Variants in HDAC9 observed in about 807,000 individuals in gnomAD.
HDAC9 encodes the protein MEF-2 interacting transcription repressor (MITR) protein.
HDAC9 carries 41 observed loss-of-function variants against 139.4 expected under a neutral mutation model. That is an observed-to-expected ratio of 0.29 (90% CI 0.23 to 0.38). The LOEUF (loss-of-function observed/expected upper bound fraction) is 0.38. Ranked by LOEUF, HDAC9 falls within the 10% of genes least tolerant of loss-of-function variation. The probability of loss-of-function intolerance (pLI) is 1.00; values close to 1 mark genes in which losing one functional copy is unlikely to be tolerated. For synonymous variants in HDAC9, 517 were observed against 476.2 expected (o/e 1.09, Z -1.12); for missense variants, 1,147 against 1,297.0 (o/e 0.88, Z 1.78).
chr7:18,666,114 A>T, intron 11 of HDAC9, 99 bp from the exon 12 acceptor site: 1 of 1,251,926 alleles, frequency 8.0e-7, no homozygotes, highest in Middle Eastern at 2.0e-4. Context: ...CAATGATTAG[A>T]AATCACAGTG....
intron 6 of HDAC9, among the ~76,000 whole-genome samples, chr7:18,613,288 C>T (rs1009420936): frequency 3.3e-5 from 5 of 151,706 alleles, no homozygotes; most frequent in Non-Finnish European, 7.4e-5. Context: ...AGAAATAGGT[C>T]GTTTTCACAG....
chr7:18,914,556 G>C (rs956144356), intron 22 of HDAC9, among the ~76,000 whole-genome samples: 2 of 151,992 alleles, frequency 1.3e-5, no homozygotes, highest in African/African-American at 4.8e-5. Context: ...TTTTTAAGTT[G>C]TAAGTTTATA....
At chr7:18,500,535 T>A (rs1337477834) in intron 2 of HDAC9, among the ~76,000 whole-genome samples, 2 of 152,170 alleles carry the variant, frequency 1.3e-5, no homozygotes, top group African/African-American at 4.8e-5. Context: ...TACTGGCAAG[T>A]TGACCAGTTC....
At chr7:18,270,749 C>G (rs1469574) in intron 2 of HDAC9, among the ~76,000 whole-genome samples, 118,515 of 152,016 alleles carry the variant, frequency 0.78, 46,296 homozygotes, top group South Asian at 0.89. Flanking sequence ...CACCTTCTGA[C>G]TAATTATTGA....
At chr7:18,953,095 T>G (rs1782913580) in intron 23 of HDAC9, among the ~76,000 whole-genome samples, 1 of 151,996 alleles carries the variant, frequency 6.6e-6, no homozygotes, top group Non-Finnish European at 1.5e-5. Context: ...ATCCCTGTGT[T>G]TTTTTAGGTT....
At chr7:18,983,480 T>C (rs1563105628) in intron 25 of HDAC9, among the ~76,000 whole-genome samples, 1 of 152,190 alleles carries the variant, frequency 6.6e-6, no homozygotes, top group Non-Finnish European at 1.5e-5. Flanking sequence ...AGAAGTGATA[T>C]TTCTGGATCA....
chr7:18,960,041 C>G (rs1293864378), intron 24 of HDAC9, among the ~76,000 whole-genome samples: 2 of 148,592 alleles, frequency 1.3e-5, no homozygotes, highest in Non-Finnish European at 3.0e-5. Context: ...CACACACACA[C>G]AGAGTATTAT....
intron 21 of HDAC9, among the ~76,000 whole-genome samples, chr7:18,852,757 C>T (rs897483187): frequency 6.6e-6 from 1 of 151,856 alleles, no homozygotes; most frequent in Non-Finnish European, 1.5e-5. Context: ...AGAGAAACTG[C>T]ACTGACAGGG....
intron 1 of HDAC9, among the ~76,000 whole-genome samples, chr7:18,300,191 A>ATT (rs200511894): frequency 3.5e-5 from 5 of 142,840 alleles, no homozygotes; most frequent in South Asian, 2.3e-4. Flanking sequence ...TTTTTTGCAA[A>ATT]TTTTTTTTTT....
At chr7:18,863,081 C>T (rs1001332195) in intron 21 of HDAC9, among the ~76,000 whole-genome samples, 3 of 152,148 alleles carry the variant, frequency 2.0e-5, no homozygotes, top group Non-Finnish European at 2.9e-5. Context: ...GAGGAAAGGA[C>T]GATTTTCTGA....
intron 15 of HDAC9, among the ~76,000 whole-genome samples, chr7:18,763,301 A>G (rs112131066): frequency 5.9e-5 from 9 of 152,320 alleles, no homozygotes; most frequent in African/African-American, 2.2e-4. Context: ...CTTTTTAAAC[A>G]AGTGGCAAGC....
chr7:18,705,245 C>T (rs1371578243), intron 12 of HDAC9, among the ~76,000 whole-genome samples: 1 of 152,160 alleles, frequency 6.6e-6, no homozygotes, highest in Non-Finnish European at 1.5e-5. Context: ...CTTGATTCCC[C>T]ATTGCGGGAG....
chr7:18,203,436 A>G (rs950434025), intron 2 of HDAC9, among the ~76,000 whole-genome samples: 7 of 152,328 alleles, frequency 4.6e-5, no homozygotes, highest in Non-Finnish European at 8.8e-5. Context: ...AGTTATTGAC[A>G]GATCTTAAGA....
rs148036593 is a variant in HDAC9 at position 18,821,576 on chromosome 7, A to G, written c.2323-7585A>G. Among the ~76,000 whole-genome samples, 469 of 152,326 alleles carry G rather than the reference A, an allele frequency of 3.1e-3. 3 individuals are homozygous for G. The highest frequency in any genetic ancestry group is 0.011 in the African/African-American group (452 of 41,578). On this transcript the variant is annotated intron_variant, in intron 17 of 25. Transcript: ENST00000686413. Reference sequence around the variant, plus strand: ...AAAGGAAGATCAACTGTTTTTCTGTATATTCACAATTAACATAGAACACTT... The same window carrying G: ...AAAGGAAGATCAACTGTTTTTCTGTGTATTCACAATTAACATAGAACACTT...
chr7:18,626,386 G>A (rs1254237218), intron 6 of HDAC9, among the ~76,000 whole-genome samples: 1 of 152,190 alleles, frequency 6.6e-6, no homozygotes, highest in Admixed American at 6.5e-5. Flanking sequence ...GAGTGTTGCA[G>A]CTCCAGGATT....
chr7:18,865,144 G>A (rs1798397300), intron 21 of HDAC9, among the ~76,000 whole-genome samples: 1 of 152,154 alleles, frequency 6.6e-6, no homozygotes. Context: ...CTGCCATTTT[G>A]AGAACAGAGT....
intron 22 of HDAC9, among the ~76,000 whole-genome samples, chr7:18,921,283 G>C (rs975643904): frequency 6.6e-6 from 1 of 152,134 alleles, no homozygotes; most frequent in East Asian, 1.9e-4. Context: ...ACCACCATCA[G>C]AGTGAACAGG....
In HDAC9 at chr7:18,463,066, T is replaced by C. The variant is rs756301121; in HGVS notation, c.-41-33196T>C. ...AATTTTAGCTATGCCACTGGGTATA[T>C]AGTTTCAGTTTTAATTAAAATTTTT... On this transcript the variant is annotated intron_variant, in intron 1 of 3. Transcript: ENST00000413509. 3.6e-4 allele frequency among the ~76,000 whole-genome samples: 54 copies of C among 151,998 alleles called. 1 individual carries two copies. Among genetic ancestry groups the C allele is most frequent in the Non-Finnish European group, 1.0e-4 (7 of 67,882 alleles).
At chr7:18,587,959 T>A (rs1829919944) in intron 3 of HDAC9, among the ~76,000 whole-genome samples, 1 of 152,228 alleles carries the variant, frequency 6.6e-6, no homozygotes, top group Non-Finnish European at 1.5e-5. Flanking sequence ...AGTATCTATA[T>A]AGAATTTAAC....
Sources: gnomAD v4.1 joint callset for allele counts (sites outside exome capture counted in the v4.1 genomes callset) on GRCh38, gnomAD v4.1.1 for gene constraint, MANE v1.5 for transcripts, NCBI Gene and HGNC (gene_info 2026-07-23, HGNC 2026-07-21) for gene names.